ARHGAP26: variants seen among roughly 807,000 people sequenced by gnomAD.
ARHGAP26 encodes the protein rho GTPase-activating protein 26.
In ARHGAP26, 38 loss-of-function variants were observed where a neutral mutation model predicts 104.8. The observed-to-expected ratio is 0.36, with a 90% confidence interval of 0.28 to 0.48. The LOEUF (loss-of-function observed/expected upper bound fraction) is 0.48, where lower values mean the gene tolerates loss of function less well. Among genes scored for constraint, ARHGAP26 ranks in the 20% least tolerant of loss-of-function variants. The probability of loss-of-function intolerance (pLI) is 0.99; values close to 1 mark genes in which losing one functional copy is unlikely to be tolerated. For missense variants in ARHGAP26, 704 were observed against 947.9 expected, an observed-to-expected ratio of 0.74 and a Z score of 3.38; for synonymous variants, 341 against 340.0, an observed-to-expected ratio of 1.00 and a Z score of -0.03.
At chr5:143,011,303 CTTTTTTTT>C (rs58841045) in intron 11 of ARHGAP26, among the ~76,000 whole-genome samples, 2 of 110,988 alleles carry the variant, frequency 1.8e-5, no homozygotes, top group African/African-American at 7.0e-5. Flanking sequence ...TAAACCCCCG[CTTTTTTTT>C]TTTTTTTTTT....
intron 22 of ARHGAP26, among the ~76,000 whole-genome samples, chr5:143,215,460 G>A (rs1386340945): frequency 6.6e-6 from 1 of 152,102 alleles, no homozygotes. Flanking sequence ...TTTTTTAACG[G>A]TTTATTAAGA....
intron 18 of ARHGAP26, among the ~76,000 whole-genome samples, chr5:143,133,036 A>G (rs1481843504): frequency 6.6e-6 from 1 of 152,202 alleles, no homozygotes; most frequent in Non-Finnish European, 1.5e-5. Context: ...CTGGTACCTA[A>G]GGGAGTCTGC....
At chr5:142,857,840 C>T (rs1028376604) in intron 1 of ARHGAP26, among the ~76,000 whole-genome samples, 3 of 152,114 alleles carry the variant, frequency 2.0e-5, no homozygotes, top group African/African-American at 7.2e-5. Context: ...ATATTACCTG[C>T]AGTGTCTTTC....
intron 1 of ARHGAP26, among the ~76,000 whole-genome samples, chr5:142,799,043 G>A (rs1761537826): frequency 2.0e-5 from 3 of 152,134 alleles, no homozygotes; most frequent in South Asian, 2.1e-4. Flanking sequence ...GGTATACCTC[G>A]AAGAGATAAT....
intron 10 of ARHGAP26, among the ~76,000 whole-genome samples, chr5:142,925,943 G>T (rs895981174): frequency 1.3e-5 from 2 of 152,156 alleles, no homozygotes; most frequent in South Asian, 4.1e-4. Flanking sequence ...TCAGTGGGGT[G>T]GAGTTAGTAA....
At chr5:143,063,854 G>A (rs1014181604) in intron 17 of ARHGAP26, among the ~76,000 whole-genome samples, 7 of 152,140 alleles carry the variant, frequency 4.6e-5, no homozygotes, top group African/African-American at 1.4e-4. Flanking sequence ...TTGCTTGTTC[G>A]TCTCTTTTAG....
rs1796548627 is a variant in ARHGAP26 at position 143,124,874 on chromosome 5, G to C, written c.1698+3727G>C. Among the ~76,000 whole-genome samples the C allele has an allele frequency of 1.3e-5, 2 of 152,284 alleles. 1 individual carries two copies. Among genetic ancestry groups the C allele is most frequent in the East Asian group, 3.9e-4 (2 of 5,174 alleles). ...CAAGTTTGCATTTAGTTCCCTTTAG[G>C]AATGACTCTGCTTTCTTATCAGTGG... is the stretch of plus-strand genomic sequence containing the variant. On this transcript the variant is annotated intron_variant, in intron 18 of 22. Transcript: ENST00000645722.
chr5:142,830,625 C>T (rs545262307), intron 1 of ARHGAP26, among the ~76,000 whole-genome samples: 2 of 152,158 alleles, frequency 1.3e-5, no homozygotes, highest in South Asian at 2.1e-4. Flanking sequence ...AAAATGTTAC[C>T]GATAGTATCA....
intron 12 of ARHGAP26, among the ~76,000 whole-genome samples, chr5:143,032,703 T>C (rs1782054036): frequency 6.6e-6 from 1 of 152,240 alleles, no homozygotes; most frequent in African/African-American, 2.4e-5. Context: ...TGGTTATGTG[T>C]GCACTGTAGT....
intron 11 of ARHGAP26, among the ~76,000 whole-genome samples, chr5:142,956,520 C>T (rs1034333461): frequency 6.6e-6 from 1 of 152,014 alleles, no homozygotes; most frequent in Non-Finnish European, 1.5e-5. Flanking sequence ...GAGGCTGCAG[C>T]GAGCTATGAT....
chr5:143,226,654 G>C lies in ARHGAP26; in HGVS notation c.*4208G>C, dbSNP rs943279819. The C allele has an allele frequency of 1.1e-4, 24 of 215,850 alleles. No individual in the cohort carries two copies. The East Asian group carries it at 1.6e-3, about 15-fold the overall frequency. 13.4% of individuals were successfully genotyped at this position (215,850 alleles called of 1,614,324 possible). On this transcript the variant is annotated 3_prime_UTR_variant, in exon 23 of 23. Transcript: ENST00000645722. ...GACCCTGTGCATTGTGGCCTGCCTT[G>C]GTGTCCTAGAATTGGAGCCAGTCTT...
chr5:142,910,472 C>CG (rs1450852450), intron 9 of ARHGAP26, among the ~76,000 whole-genome samples: 8 of 152,362 alleles, frequency 5.3e-5, no homozygotes, highest in African/African-American at 1.9e-4. Context: ...GATGTGGTGG[C>CG]TCACGCCTGT....
chr5:143,091,253 C>T (rs1201342301), intron 17 of ARHGAP26, among the ~76,000 whole-genome samples: 1 of 152,126 alleles, frequency 6.6e-6, no homozygotes, highest in Non-Finnish European at 1.5e-5. Flanking sequence ...AAGGTAGGGT[C>T]CTTCCCAGGC....
At chr5:143,053,964 G>A (rs995410213) in intron 14 of ARHGAP26, among the ~76,000 whole-genome samples, 5 of 152,218 alleles carry the variant, frequency 3.3e-5, no homozygotes, top group East Asian at 1.9e-4. Context: ...GTAGACATAC[G>A]GTAATTCACT....
At chr5:142,914,672 G>T (rs1048367438) in intron 10 of ARHGAP26, among the ~76,000 whole-genome samples, 2 of 152,164 alleles carry the variant, frequency 1.3e-5, no homozygotes, top group African/African-American at 2.4e-5. Flanking sequence ...TGTGAGAGGG[G>T]AAGGTAAAGA....
At chr5:142,833,098 C>T (rs1031632887) in intron 1 of ARHGAP26, among the ~76,000 whole-genome samples, 1 of 151,916 alleles carries the variant, frequency 6.6e-6, no homozygotes, top group South Asian at 2.1e-4. Context: ...TTTTGTTGCC[C>T]AGGCTGGAAT....
At chr5:142,791,707 T>A (rs1759847608) in intron 1 of ARHGAP26, among the ~76,000 whole-genome samples, 1 of 152,182 alleles carries the variant, frequency 6.6e-6, no homozygotes, top group Admixed American at 6.5e-5. Flanking sequence ...CTCATACCTG[T>A]AATCCCAGCA....
intron 10 of ARHGAP26, among the ~76,000 whole-genome samples, chr5:142,930,171 T>C (rs540294380): frequency 6.6e-6 from 1 of 152,330 alleles, no homozygotes; most frequent in African/African-American, 2.4e-5. Flanking sequence ...TTGAGAGTTC[T>C]GCAATAGACA....
chr5:143,153,910 T>A (rs1410014382), intron 20 of ARHGAP26, among the ~76,000 whole-genome samples: 1 of 152,210 alleles, frequency 6.6e-6, no homozygotes, highest in African/African-American at 2.4e-5. Context: ...GAACAGTCCC[T>A]GGAATTCAAA....
Sources: allele counts gnomAD v4.1 joint callset (sites outside exome capture counted in the v4.1 genomes callset), GRCh38; gene constraint gnomAD v4.1.1; transcripts MANE v1.5; gene names NCBI Gene and HGNC (gene_info 2026-07-23, HGNC 2026-07-21).